MLLT1: variants seen among roughly 807,000 people sequenced by gnomAD.
MLLT1 encodes the protein MLLT1 super elongation complex subunit, also known as protein ENL.
MLLT1 carries 11 observed loss-of-function variants against 55.1 expected under a neutral mutation model. The ratio of observed to expected loss-of-function variants is 0.20; its 90% CI spans 0.13 to 0.33. MLLT1 has a LOEUF of 0.33. Among genes scored for constraint, MLLT1 ranks in the 10% least tolerant of loss-of-function variants. The probability of loss-of-function intolerance (pLI) is 1.00; values close to 1 mark genes in which losing one functional copy is unlikely to be tolerated. For missense variants in MLLT1, 536 were observed against 760.6 expected, an observed-to-expected ratio of 0.70 and a Z score of 3.47; for synonymous variants, 323 against 320.1, an observed-to-expected ratio of 1.01 and a Z score of -0.10.
In MLLT1 at chr19:6,210,535, G is replaced by A. The variant is rs921967160; in HGVS notation, c.*2507C>T. ...TTCCTTTTATCCAGGAGTTGGTCTCGGGCCGATGAGTGTCCTAGTTCCTAG... is the reference window on the plus strand; with the variant it reads ...TTCCTTTTATCCAGGAGTTGGTCTCAGGCCGATGAGTGTCCTAGTTCCTAG... On this transcript the variant is annotated 3_prime_UTR_variant, in exon 12 of 12. Transcript: ENST00000252674. This position sits in a 1 kb window ranked among gnomAD's most constrained non-coding sequence, Gnocchi z 4.6. The A allele has an allele frequency of 2.3e-5, 5 of 217,770 alleles. No homozygotes were observed. Among genetic ancestry groups the A allele is most frequent in the Non-Finnish European group, 3.7e-5 (4 of 108,258 alleles). The allele number at this position is 217,770 out of a possible 1,614,324, so 13.5% of individuals were successfully genotyped here. A position where few individuals can be genotyped will look rare whatever the true frequency, so the allele number is the denominator to read the frequency against.
Position 6,212,681 on chromosome 19 carries a change from G to A in MLLT1, c.*361C>T, listed in dbSNP as rs1390095414. ...CAGCCGTCGATCCGCTGCTCAGAAA[G>A]GCTGGGGCAGCGACGCCGCACAGCC... On this transcript the variant is annotated 3_prime_UTR_variant, in exon 12 of 12. Transcript: ENST00000252674. 3.6e-6 allele frequency: 4 copies of A among 1,118,046 alleles called. No homozygotes were observed. Among genetic ancestry groups the A allele is most frequent in the Non-Finnish European group, 4.4e-6 (4 of 914,472 alleles). The allele number at this position is 1,118,046 out of a possible 1,614,324, so 69.3% of individuals were successfully genotyped here.
Position 6,211,070 on chromosome 19 carries a change from G to A in MLLT1, c.*1972C>T, listed in dbSNP as rs1412413265. 7 of 231,950 alleles carry A rather than the reference G, an allele frequency of 3.0e-5. No homozygotes were observed. The highest frequency in any genetic ancestry group is 2.8e-4 in the Admixed American group (5 of 17,728). The allele number at this position is 231,950 out of a possible 1,614,324, so 14.4% of individuals were successfully genotyped here. A position where few individuals can be genotyped will look rare whatever the true frequency, so the allele number is the denominator to read the frequency against. ...TGTGTGGATTTTGGGGGACTCCTGC[G>A]AAGGAGAAAGGCCAGCACCCTGGGC... is the stretch of plus-strand genomic sequence containing the variant. On this transcript the variant is annotated 3_prime_UTR_variant, in exon 12 of 12. Coordinates refer to ENST00000252674, the MANE Select transcript of MLLT1 (RefSeq NM_005934.4). This position sits in a 1 kb window ranked among gnomAD's most constrained non-coding sequence, Gnocchi z 4.6.
intron 3 of MLLT1, among the ~76,000 whole-genome samples, chr19:6,250,717 G>A (rs561011544): frequency 2.0e-5 from 3 of 152,132 alleles, no homozygotes; most frequent in African/African-American, 4.8e-5. Context: ...TCATGGATAC[G>A]GAGCCCATGG....
chr19:6,216,520 A>C lies in MLLT1; in HGVS notation c.1199-7T>G. Reference sequence around the variant, plus strand: ...ACCATGGAGCGCAGGGGTCCTGGGGAGGCGGGGCAGGGAGGGAGGGGAGAC... The same window carrying C: ...ACCATGGAGCGCAGGGGTCCTGGGGCGGCGGGGCAGGGAGGGAGGGGAGAC... On this transcript the variant is annotated splice_region_variant and splice_polypyrimidine_tract_variant and intron_variant, in intron 7 of 11. Transcript: ENST00000252674. 1.6e-6 allele frequency: 2 copies of C among 1,242,568 alleles called. No individual in the cohort carries two copies. The highest frequency in any genetic ancestry group is 2.3e-6 in the Non-Finnish European group (2 of 876,928). The allele number at this position is 1,242,568 out of a possible 1,614,324, so 77.0% of individuals were successfully genotyped here.
chr19:6,218,668 G>C (rs1408796106), intron 6 of MLLT1, among the ~76,000 whole-genome samples: 1 of 152,318 alleles, frequency 6.6e-6, no homozygotes, highest in Non-Finnish European at 1.5e-5. Flanking sequence ...CCACCAGGGG[G>C]CAGTAAAAGC....
rs1438823223 is a variant in MLLT1, at chr19:6,226,353, G to A, written c.546+624C>T. On this transcript the variant is annotated intron_variant, in intron 5 of 11. Transcript: ENST00000252674. The surrounding 1 kb of genome is among the most constrained non-coding windows in gnomAD (Gnocchi z 6.3). ...TGTGATGCCATCAAAGGGCTTTCTAGCTTGTCTTCTGAATTGCTGCTCAGG... is the reference window on the plus strand; with the variant it reads ...TGTGATGCCATCAAAGGGCTTTCTAACTTGTCTTCTGAATTGCTGCTCAGG... 1.3e-5 allele frequency among the ~76,000 whole-genome samples: 2 copies of A among 152,220 alleles called. No individual in the cohort carries two copies. Among genetic ancestry groups the A allele is most frequent in the African/African-American group, 4.8e-5 (2 of 41,452 alleles).
In MLLT1 at chr19:6,213,004, A is replaced by G; in HGVS notation, c.*38T>C. On this transcript the variant is annotated 3_prime_UTR_variant, in exon 12 of 12. Transcript: ENST00000252674. ...AGGCGAGGCCTGGCTGCAGCCTCCC[A>G]GGACCCCGGCGGTGGGGGCCCGGCA... 1.2e-6 allele frequency: 2 copies of G among 1,608,126 alleles called. No individual in the cohort carries two copies. Among genetic ancestry groups the G allele is most frequent in the South Asian group, 1.1e-5 (1 of 90,574 alleles).
chr19:6,220,846 C>T (rs1267647925), intron 6 of MLLT1, among the ~76,000 whole-genome samples: 1 of 152,226 alleles, frequency 6.6e-6, no homozygotes, highest in East Asian at 1.9e-4. Flanking sequence ...GGCCCTCCCA[C>T]AGCTGGGAGG....
chr19:6,249,802 C>T, intron 3 of MLLT1, among the ~76,000 whole-genome samples: 1 of 152,020 alleles, frequency 6.6e-6, no homozygotes, highest in East Asian at 1.9e-4. Context: ...GTGGGCGGAT[C>T]GCTTGAGCTC....
chr19:6,273,993 G>A lies in MLLT1; in HGVS notation c.13-3234C>T, dbSNP rs1400468968. 6.6e-6 allele frequency among the ~76,000 whole-genome samples: 1 copy of A among 152,238 alleles called. No homozygotes were observed. The highest frequency in any genetic ancestry group is 2.4e-5 in the African/African-American group (1 of 41,454). ...TGGCCAAAGTAAACAGGAAGGTTCC[G>A]AGGCAGCGATGGGTAATCTTTGCAG... On this transcript the variant is annotated intron_variant, in intron 1 of 11. Transcript: ENST00000252674. This position sits in a 1 kb window ranked among gnomAD's most constrained non-coding sequence, Gnocchi z 4.3.
In MLLT1 at chr19:6,214,115, G is replaced by T. The variant is rs540239314; in HGVS notation, c.1308-77C>A. On this transcript the variant is annotated intron_variant, in intron 8 of 11. Transcript: ENST00000252674. ...ACCCCACCCCCAGGCTCAAGCCTCT[G>T]CCCCGCACGGAGTCGGTGCCTGAGC... 458 of 886,506 alleles carry T rather than the reference G, an allele frequency of 5.2e-4. 2 individuals are homozygous for T. The African/African-American group carries it at 8.6e-3, about 17-fold the overall frequency. The allele number at this position is 886,506 out of a possible 1,614,324, so 54.9% of individuals were successfully genotyped here.
At position 6,227,750 on chromosome 19, in the gene MLLT1, G is replaced by A. The variant is rs376712163; in HGVS notation, c.421-648C>T. Among the ~76,000 whole-genome samples, 3 of 152,128 alleles carry A rather than the reference G, an allele frequency of 2.0e-5. No individual in the cohort carries two copies. The highest frequency in any genetic ancestry group is 7.2e-5 in the African/African-American group (3 of 41,426). ...CACCTGCTCCTGCGCTCCATCAGAG[G>A]CTACGGATGACGAAAGTTCTGGGGT... On this transcript the variant is annotated intron_variant, in intron 4 of 11. Transcript: ENST00000252674. This position sits in a 1 kb window ranked among gnomAD's most constrained non-coding sequence, Gnocchi z 5.1.
At chr19:6,265,372 T>G (rs1397099069) in intron 2 of MLLT1, among the ~76,000 whole-genome samples, 1 of 152,176 alleles carries the variant, frequency 6.6e-6, no homozygotes, top group Non-Finnish European at 1.5e-5. Flanking sequence ...ATGTCAGCAC[T>G]CAAAAAGTTT....
intron 3 of MLLT1, among the ~76,000 whole-genome samples, chr19:6,236,974 T>C (rs1256079630): frequency 1.3e-5 from 2 of 152,236 alleles, no homozygotes; most frequent in Admixed American, 1.3e-4. Flanking sequence ...CCCAGGCTGC[T>C]GGCCACGAGC....
At chr19:6,250,395 G>A (rs1305511415) in intron 3 of MLLT1, among the ~76,000 whole-genome samples, 1 of 152,184 alleles carries the variant, frequency 6.6e-6, no homozygotes, top group Non-Finnish European at 1.5e-5. Context: ...ATTACCATAT[G>A]ACCCAGCAAT....
At chr19:6,213,632 G>A (rs1358207640) in intron 10 of MLLT1, 94 bp downstream of exon 10, 1 of 1,240,346 alleles carries the variant, frequency 8.1e-7, no homozygotes. Flanking sequence ...GTCCAACTGT[G>A]GGGTGTTGGG....
At chr19:6,236,644 T>A (rs904713508) in intron 3 of MLLT1, among the ~76,000 whole-genome samples, 4 of 152,188 alleles carry the variant, frequency 2.6e-5, no homozygotes, top group Admixed American at 1.3e-4. Context: ...TCACGGGCAC[T>A]GGGAATGACT....
intron 3 of MLLT1, among the ~76,000 whole-genome samples, chr19:6,245,992 C>T (rs1249315801): frequency 1.3e-4 from 19 of 151,984 alleles, no homozygotes; most frequent in African/African-American, 1.4e-4. Flanking sequence ...GCAGGAGAAT[C>T]GCTTGAACTC....
At position 6,270,482 on chromosome 19, in the gene MLLT1, G is replaced by T; in HGVS notation, c.193+97C>A. Reference sequence around the variant, plus strand: ...AAGCTGGAACCTCATGGTTGGAGGGGTCCTGCTGCTCCTGAGGGAGGGGTG... The same window carrying T: ...AAGCTGGAACCTCATGGTTGGAGGGTTCCTGCTGCTCCTGAGGGAGGGGTG... On this transcript the variant is annotated intron_variant, in intron 2 of 11. Coordinates refer to ENST00000252674, the MANE Select transcript of MLLT1 (RefSeq NM_005934.4). The surrounding 1 kb of genome is among the most constrained non-coding windows in gnomAD (Gnocchi z 7.1). 1 of 1,332,180 alleles carries T rather than the reference G, an allele frequency of 7.5e-7. No homozygotes were observed. The highest frequency in any genetic ancestry group is 1.0e-6 in the Non-Finnish European group (1 of 977,926). The allele number at this position is 1,332,180 out of a possible 1,614,324, so 82.5% of individuals were successfully genotyped here. A position where few individuals can be genotyped will look rare whatever the true frequency, so the allele number is the denominator to read the frequency against.
Sources: allele counts gnomAD v4.1 joint callset (sites outside exome capture counted in the v4.1 genomes callset), GRCh38; gene constraint gnomAD v4.1.1; non-coding constraint Gnocchi (gnomAD v3.1); transcripts MANE v1.5; gene names NCBI Gene and HGNC (gene_info 2026-07-23, HGNC 2026-07-21).